The following THTPA variants were observed in gnomAD, a reference collection of about 807,000 sequenced individuals.
The protein encoded by THTPA is thiamine triphosphatase.
In THTPA, 16 loss-of-function variants were observed where a neutral mutation model predicts 16.5. That is an observed-to-expected ratio of 0.97 (90% CI 0.66 to 1.47). The LOEUF (loss-of-function observed/expected upper bound fraction) is 1.47, where lower values mean the gene tolerates loss of function less well. THTPA is among the 40% of genes most tolerant of loss of function. THTPA has a pLI of 0.00. For synonymous variants in THTPA, 110 were observed against 115.5 expected (o/e 0.95, Z 0.30); for missense variants, 281 against 280.9 (o/e 1.00, Z 0.00).
the THTPA span, chr14:23,533,436 T>C: frequency 6.5e-7 from 1 of 1,529,622 alleles, no homozygotes; most frequent in South Asian, 1.2e-5. The surrounding 1 kb of genome is among the most constrained non-coding windows in gnomAD (Gnocchi z 4.8). Context: ...ACTGGAAGAG[T>C]TCAGGGGGGC....
chr14:23,531,565 G>A, the THTPA span: 1 of 1,525,120 alleles, frequency 6.6e-7, no homozygotes, highest in Non-Finnish European at 8.8e-7. Flanking sequence ...CCATTCTGTA[G>A]CAGCTGCAGA....
the THTPA span, chr14:23,525,913 T>G: frequency 7.6e-7 from 1 of 1,311,826 alleles, no homozygotes; most frequent in Middle Eastern, 2.0e-4. The surrounding 1 kb of genome is among the most constrained non-coding windows in gnomAD (Gnocchi z 5.9). Flanking sequence ...GGGGCAGGAC[T>G]GGTGGGGTGA....
the THTPA span, chr14:23,532,933 GCTGT>G: frequency 6.5e-7 from 1 of 1,536,192 alleles, no homozygotes; most frequent in Non-Finnish European, 8.7e-7. Flanking sequence ...GCAGCTCCAG[GCTGT>G]CTGTGCTGAA....
At chr14:23,532,855 G>A in the THTPA span, 1 of 1,536,266 alleles carries the variant, frequency 6.5e-7, no homozygotes, top group Non-Finnish European at 8.7e-7. Flanking sequence ...TGCAGCGGTG[G>A]GTGTCACCAG....
At chr14:23,558,245 T>C (rs1882754101) in intron 1 of THTPA, among the ~76,000 whole-genome samples, 1 of 152,242 alleles carries the variant, frequency 6.6e-6, no homozygotes, top group African/African-American at 2.4e-5. Flanking sequence ...TCCCACCCCA[T>C]GGCTATAGCT....
the THTPA span, chr14:23,523,796 G>C: frequency 6.5e-7 from 1 of 1,536,220 alleles, no homozygotes; most frequent in Non-Finnish European, 8.7e-7. This position sits in a 1 kb window ranked among gnomAD's most constrained non-coding sequence, Gnocchi z 4.1. Context: ...TCCCCCACTG[G>C]TCCCTCCAGC....
In THTPA at chr14:23,559,254, C is replaced by T. The variant is rs989335083; in HGVS notation, c.*414C>T. ...AGGAGAGGCAGCAGGGATTTCCCTGCCTTGGGATGTGGGAAACAGAAGAAA... is the reference window on the plus strand; with the variant it reads ...AGGAGAGGCAGCAGGGATTTCCCTGTCTTGGGATGTGGGAAACAGAAGAAA... On this transcript the variant is annotated 3_prime_UTR_variant, in exon 2 of 2. Transcript: ENST00000288014. The T allele has an allele frequency of 1.3e-5, 3 of 224,796 alleles. No individual in the cohort carries two copies. The highest frequency in any genetic ancestry group is 6.9e-5 in the African/African-American group (3 of 43,380). 13.9% of individuals were successfully genotyped at this position (224,796 alleles called of 1,614,324 possible).
the THTPA span, chr14:23,525,290 G>T: frequency 6.5e-7 from 1 of 1,536,116 alleles, no homozygotes; most frequent in South Asian, 1.2e-5. The surrounding 1 kb of genome is among the most constrained non-coding windows in gnomAD (Gnocchi z 5.9). Flanking sequence ...GACCAGGAAG[G>T]GTGGGCCCAG....
chr14:23,532,695 C>A, the THTPA span: 1 of 1,530,400 alleles, frequency 6.5e-7, no homozygotes, highest in South Asian at 1.2e-5. Context: ...CCATAAGGAG[C>A]CCCATCTCCC....
chr14:23,556,711 C>A lies in THTPA; in HGVS notation c.-47C>A. The A allele has an allele frequency of 6.4e-7, 1 of 1,572,800 alleles. No individual in the cohort carries two copies. Among genetic ancestry groups the A allele is most frequent in the Non-Finnish European group, 8.6e-7 (1 of 1,160,040 alleles). ...CCCAGGAGCTGAGCACCAGGCTTTG[C>A]ATCCTTGGGAACTCAGCAAACGTTT... is the stretch of plus-strand genomic sequence containing the variant. On this transcript the variant is annotated 5_prime_UTR_variant, in exon 1 of 2. Coordinates refer to ENST00000288014, the MANE Select transcript of THTPA (RefSeq NM_024328.6).
chr14:23,540,857 T>A, the THTPA span, among the ~76,000 whole-genome samples: 1 of 152,212 alleles, frequency 6.6e-6, no homozygotes, highest in Non-Finnish European at 1.5e-5. Flanking sequence ...TGGAGCATGG[T>A]GTTTGCACAG....
chr14:23,523,278 G>C, the THTPA span: 1 of 1,437,576 alleles, frequency 7.0e-7, no homozygotes, highest in Non-Finnish European at 9.1e-7. This position sits in a 1 kb window ranked among gnomAD's most constrained non-coding sequence, Gnocchi z 4.1. Flanking sequence ...GGCGCCAGGC[G>C]AGGCAAGGTT....
rs150538155 is a variant in THTPA, at chr14:23,557,130, C to A, written c.373C>A (p.Arg125=). 4 of 1,614,096 alleles carry A rather than the reference C, an allele frequency of 2.5e-6. No individual in the cohort carries two copies. Among genetic ancestry groups the A allele is most frequent in the Non-Finnish European group, 3.4e-6 (4 of 1,180,010 alleles). ...GGAAGTAGCTAGTTTTGTGACTAAG[C>A]GGAGTGCCTGGAAGCTGGTGCTCTT... is the stretch of plus-strand genomic sequence containing the variant. ...LQEVASFVTK[R]SAWKLVLLGA... Residue 125 remains arginine (R), a synonymous_variant, in exon 1 of 2, where the codon CGG becomes AGG. Coordinates refer to ENST00000288014, the MANE Select transcript of THTPA (RefSeq NM_024328.6).
the THTPA span, among the ~76,000 whole-genome samples, chr14:23,537,409 C>T: frequency 3.9e-5 from 6 of 152,052 alleles, no homozygotes; most frequent in East Asian, 5.8e-4. Context: ...GTGTAAGGGG[C>T]GAGGGGCGTG....
chr14:23,512,416 G>A, the THTPA span, among the ~76,000 whole-genome samples: 5 of 152,098 alleles, frequency 3.3e-5, no homozygotes, highest in Admixed American at 3.3e-4. Context: ...TGTGCGGCTG[G>A]GGGTGGGGAA....
the THTPA span, chr14:23,533,541 C>G: frequency 3.3e-6 from 5 of 1,536,226 alleles, no homozygotes; most frequent in African/African-American, 2.7e-5. This position sits in a 1 kb window ranked among gnomAD's most constrained non-coding sequence, Gnocchi z 4.8. Flanking sequence ...TTAGGACATT[C>G]TGCATGTGCT....
the THTPA span, among the ~76,000 whole-genome samples, chr14:23,544,549 C>G: frequency 6.6e-6 from 1 of 152,174 alleles, no homozygotes. Flanking sequence ...CCCAGGCCCT[C>G]CATGTACACG....
chr14:23,533,793 G>A, the THTPA span: 22 of 1,550,920 alleles, frequency 1.4e-5, no homozygotes, highest in African/African-American at 1.4e-5. This position sits in a 1 kb window ranked among gnomAD's most constrained non-coding sequence, Gnocchi z 4.8. Context: ...AGTTGCAGAC[G>A]TCACAGCGGT....
chr14:23,528,743 C>T, the THTPA span: 7 of 985,442 alleles, frequency 7.1e-6, no homozygotes, highest in African/African-American at 1.2e-4. Context: ...ACAGCTCCCC[C>T]AGTGGCCCAG....
Sources: allele counts gnomAD v4.1 joint callset (sites outside exome capture counted in the v4.1 genomes callset), GRCh38; gene constraint gnomAD v4.1.1; non-coding constraint Gnocchi (gnomAD v3.1); transcripts MANE v1.5; gene names NCBI Gene and HGNC (gene_info 2026-07-23, HGNC 2026-07-21).